DNAJC15: variants seen among roughly 807,000 people sequenced by gnomAD.
DNAJC15 encodes DnaJ heat shock protein family (Hsp40) member C15, also known as dnaJ homolog subfamily C member 15.
In DNAJC15, 27 loss-of-function variants were observed where a neutral mutation model predicts 22.4. The observed-to-expected ratio is 1.20, with a 90% CI of 0.89 to 1.66. The LOEUF is 1.66. Ranked by LOEUF, DNAJC15 falls within the 40% of genes most tolerant of loss-of-function variation. The probability of loss-of-function intolerance (pLI) is 0.00; values close to 1 mark genes in which losing one functional copy is unlikely to be tolerated. For missense variants in DNAJC15, 208 were observed against 187.1 expected (o/e 1.11, Z -0.65); for synonymous variants, 79 against 63.2 (o/e 1.25, Z -1.19).
At chr13:43,053,313 G>C (rs56042550) in intron 1 of DNAJC15, among the ~76,000 whole-genome samples, 1 of 152,212 alleles carries the variant, frequency 6.6e-6, no homozygotes, top group Non-Finnish European at 1.5e-5. Flanking sequence ...TGGCTTTATA[G>C]TATAGTTTGA....
intron 5 of DNAJC15, among the ~76,000 whole-genome samples, chr13:43,106,476 G>C (rs1477284340): frequency 6.6e-6 from 1 of 151,998 alleles, no homozygotes; most frequent in Admixed American, 6.5e-5. Context: ...AGAATTCATT[G>C]CAAAGAACTC....
At chr13:43,037,522 A>T (rs1412342764) in intron 1 of DNAJC15, among the ~76,000 whole-genome samples, 1 of 152,222 alleles carries the variant, frequency 6.6e-6, no homozygotes, top group East Asian at 1.9e-4. Context: ...ATTTTAAAGT[A>T]GACAGGTCAG....
rs1048050884 is a variant in DNAJC15 at position 43,107,548 on chromosome 13, C to T, written c.*300C>T. ...CTACACACACACACACACACACACACACACACACGTGCAAAAAATATGATC... is the reference window on the plus strand; with the variant it reads ...CTACACACACACACACACACACACATACACACACGTGCAAAAAATATGATC... On this transcript the variant is annotated 3_prime_UTR_variant, in exon 6 of 6. Transcript: ENST00000379221. 41 of 185,440 alleles carry T rather than the reference C, an allele frequency of 2.2e-4. No individual in the cohort carries two copies. Among genetic ancestry groups the T allele is most frequent in the African/African-American group, 9.4e-4 (40 of 42,696 alleles). The allele number at this position is 185,440 out of a possible 1,614,324, so 11.5% of individuals were successfully genotyped here.
intron 1 of DNAJC15, among the ~76,000 whole-genome samples, chr13:43,062,189 G>C (rs1317672126): frequency 6.6e-6 from 1 of 152,202 alleles, no homozygotes; most frequent in Non-Finnish European, 1.5e-5. Context: ...TATTCATCCA[G>C]GTGACAGGGC....
At chr13:43,093,894 G>C (rs1338357583) in intron 5 of DNAJC15, among the ~76,000 whole-genome samples, 1 of 152,012 alleles carries the variant, frequency 6.6e-6, no homozygotes, top group Non-Finnish European at 1.5e-5. Flanking sequence ...TTTAATGTCT[G>C]GCTTAACAGA....
At chr13:43,064,925 T>C (rs1055234970) in intron 1 of DNAJC15, among the ~76,000 whole-genome samples, 17 of 151,454 alleles carry the variant, frequency 1.1e-4, no homozygotes, top group Admixed American at 1.1e-3. Flanking sequence ...TAAGGGAGGC[T>C]TGGAAAAATA....
At chr13:43,106,842 C>T (rs2153442483) in intron 5 of DNAJC15, among the ~76,000 whole-genome samples, 1 of 150,334 alleles carries the variant, frequency 6.7e-6, no homozygotes. Context: ...ATTTTACTTG[C>T]CTAACCATCC....
chr13:43,031,342 A>G (rs1485057185), intron 1 of DNAJC15, among the ~76,000 whole-genome samples: 1 of 152,214 alleles, frequency 6.6e-6, no homozygotes, highest in Non-Finnish European at 1.5e-5. Context: ...GAATGTGTGG[A>G]CTAAATTTGT....
chr13:43,084,775 A>G (rs1432650850), intron 4 of DNAJC15, among the ~76,000 whole-genome samples: 2 of 152,204 alleles, frequency 1.3e-5, no homozygotes, highest in Non-Finnish European at 2.9e-5. Flanking sequence ...TTAATTATCT[A>G]CTTTAATTTT....
At chr13:43,041,546 C>G (rs2040454292) in intron 1 of DNAJC15, among the ~76,000 whole-genome samples, 1 of 152,172 alleles carries the variant, frequency 6.6e-6, no homozygotes, top group Non-Finnish European at 1.5e-5. Context: ...ATGATCCCTG[C>G]CTCCCAACAC....
At chr13:43,042,947 A>G (rs2040460537) in intron 1 of DNAJC15, among the ~76,000 whole-genome samples, 1 of 152,174 alleles carries the variant, frequency 6.6e-6, no homozygotes, top group South Asian at 2.1e-4. Context: ...CCTGGGTTCA[A>G]GAACTTAAAG....
At chr13:43,087,203 GA>G (rs1367206974) in intron 5 of DNAJC15, among the ~76,000 whole-genome samples, 2 of 152,302 alleles carry the variant, frequency 1.3e-5, no homozygotes, top group East Asian at 3.9e-4. Flanking sequence ...TGTTCCCTCT[GA>G]GAATATATTG....
chr13:43,057,781 C>T (rs2040538923), intron 1 of DNAJC15, among the ~76,000 whole-genome samples: 1 of 152,072 alleles, frequency 6.6e-6, no homozygotes. Flanking sequence ...TCCTTTTGTC[C>T]CATGGGGTGA....
At chr13:43,085,232 G>T (rs1046406117) in intron 4 of DNAJC15, among the ~76,000 whole-genome samples, 1 of 151,874 alleles carries the variant, frequency 6.6e-6, no homozygotes, top group African/African-American at 2.4e-5. Flanking sequence ...GTGGTGGCGC[G>T]CGTCTGTAAT....
At chr13:43,106,012 A>G (rs1238709920) in intron 5 of DNAJC15, among the ~76,000 whole-genome samples, 2 of 152,172 alleles carry the variant, frequency 1.3e-5, no homozygotes. Context: ...CAAAGAGGTA[A>G]ATATAGCTTT....
At position 43,111,716 on chromosome 13, in the gene DNAJC15, A is replaced by G. The variant is rs1373060369; in HGVS notation, c.*4468A>G. The G allele has an allele frequency of 6.6e-6, 1 of 152,194 alleles. No individual in the cohort carries two copies. Among genetic ancestry groups the G allele is most frequent in the East Asian group, 1.9e-4 (1 of 5,190 alleles). The allele number at this position is 152,194 out of a possible 1,614,324, so 9.4% of individuals were successfully genotyped here. On this transcript the variant is annotated 3_prime_UTR_variant, in exon 6 of 6. Transcript: ENST00000379221. Reference sequence around the variant, plus strand: ...CAGTGGAACCATGCTGTCCTCGGGCACCCTGCACCTCGCCCAACAGTCATC... The same window carrying G: ...CAGTGGAACCATGCTGTCCTCGGGCGCCCTGCACCTCGCCCAACAGTCATC...
chr13:43,088,219 G>A (rs986287999), intron 5 of DNAJC15, among the ~76,000 whole-genome samples: 7 of 152,142 alleles, frequency 4.6e-5, no homozygotes, highest in Non-Finnish European at 1.0e-4. Context: ...ATATCGCCAC[G>A]ATACCCAAAT....
At chr13:43,050,630 A>T (rs1234290963) in intron 1 of DNAJC15, among the ~76,000 whole-genome samples, 1 of 152,152 alleles carries the variant, frequency 6.6e-6, no homozygotes, top group African/African-American at 2.4e-5. Context: ...TTTCAAGTTG[A>T]TTTCAACTTC....
chr13:43,043,618 G>T (rs9525725), intron 1 of DNAJC15, among the ~76,000 whole-genome samples: 38,700 of 152,094 alleles, frequency 0.25, 5,098 homozygotes, highest in South Asian at 0.39. Context: ...GCTGGAGAGT[G>T]GAGTAACATT....
Sources: gnomAD v4.1 joint callset for allele counts (sites outside exome capture counted in the v4.1 genomes callset) on GRCh38, gnomAD v4.1.1 for gene constraint, MANE v1.5 for transcripts, NCBI Gene and HGNC (gene_info 2026-07-23, HGNC 2026-07-21) for gene names.